PRAM1: variants seen among roughly 807,000 people sequenced by gnomAD.
The protein encoded by PRAM1 is PML-RARA regulated adaptor molecule 1, also known as PML-RARA-regulated adapter molecule 1.
A neutral mutation model predicts 55.3 loss-of-function variants in PRAM1; 41 were observed. The ratio of observed to expected loss-of-function variants is 0.74; its 90% CI spans 0.58 to 0.96. PRAM1 has a LOEUF of 0.96. Ranked by LOEUF, PRAM1 falls within the 40% of genes least tolerant of loss-of-function variation. The pLI is 0.00. For synonymous variants in PRAM1, 401 were observed against 387.1 expected, an observed-to-expected ratio of 1.04 and a Z score of -0.42; for missense variants, 898 against 892.7, an observed-to-expected ratio of 1.01 and a Z score of -0.08.
rs141370758 is a variant in PRAM1 at position 8,493,706 on chromosome 19, A to G, written c.1577-2549T>C. ...AGGGGAGTCCAGAGTCCTGGCCCCA[A>G]GAGACCTAAGCTGCCTTTGAGAAGC... On this transcript the variant is annotated intron_variant, in intron 4 of 9. Transcript: ENST00000423345. This position sits in a 1 kb window ranked among gnomAD's most constrained non-coding sequence, Gnocchi z 4.1. Among the ~76,000 whole-genome samples the G allele has an allele frequency of 4.5e-3, 684 of 152,350 alleles. 5 individuals are homozygous for G. Among genetic ancestry groups the G allele is most frequent in the African/African-American group, 0.016 (663 of 41,586 alleles).
intron 4 of PRAM1, among the ~76,000 whole-genome samples, chr19:8,495,022 C>T (rs1469307493): frequency 6.6e-6 from 1 of 151,986 alleles, no homozygotes; most frequent in Non-Finnish European, 1.5e-5. Context: ...TCACTGCAAC[C>T]TCCACCTCCC....
In PRAM1 at chr19:8,490,584, G is replaced by A. The variant is rs368843378; in HGVS notation, c.1906+10C>T. ...GGACCTCCCGGGGCTGCGGGGCCGG[G>A]CGCACTCACATTTGCCTTTGGGGTC... On this transcript the variant is annotated intron_variant, in intron 7 of 9. Coordinates refer to ENST00000423345, the MANE Select transcript of PRAM1 (RefSeq NM_032152.5). The surrounding 1 kb of genome is among the most constrained non-coding windows in gnomAD (Gnocchi z 7.3). The A allele has an allele frequency of 2.4e-5, 38 of 1,587,476 alleles. 4 individuals carry two copies. The highest frequency in any genetic ancestry group is 9.2e-5 in the East Asian group (4 of 43,360).
In PRAM1 at chr19:8,499,630, G is replaced by A. The variant is rs940495598; in HGVS notation, c.178C>T (p.Pro60Ser). ...GACACTGCACCAAACTCAGGCAGCG[G>A]GGCCTTCTTGGGGTGCTCGCTTAGC... ...PELSEHPKKA[P>S]LPEFGAVSLK... Residue 60 changes from proline (P) to serine (S), a missense_variant, in exon 2 of 10, where the codon CCG becomes TCG. Pro to Ser is a moderately conservative substitution (Grantham distance 74). This residue lies in a region of PRAM1 where 79 missense variants were observed against 93.4 expected (regional missense o/e 0.85). Coordinates refer to ENST00000423345, the MANE Select transcript of PRAM1 (RefSeq NM_032152.5). 7 of 1,613,198 alleles carry A rather than the reference G, an allele frequency of 4.3e-6. No individual in the cohort carries two copies. The highest frequency in any genetic ancestry group is 1.3e-5 in the African/African-American group (1 of 74,622).
At chr19:8,494,357 A>T (rs1971668575) in intron 4 of PRAM1, among the ~76,000 whole-genome samples, 4 of 152,178 alleles carry the variant, frequency 2.6e-5, no homozygotes, top group Non-Finnish European at 5.9e-5. Flanking sequence ...GACCCAAGCC[A>T]CAGAGCCTCC....
rs142050285 is a variant in PRAM1 at position 8,499,322 on chromosome 19, C to T, written c.486G>A (p.Ala162=). The change falls in exon 2 of 10, where the codon GCG becomes GCA. Residue 162 remains alanine, a synonymous_variant. Transcript: ENST00000423345. The stretch of plus-strand genomic sequence containing the variant: ...CGGGCTGCAGGGGTTTCCGGGCCGG[C>T]GCACCAGGCTCCGGCAGCGAGGCCT... The part of the protein sequence containing the change: ...PLKASLPEPG[A]PARKPLQPDE... 5.6e-4 allele frequency: 905 copies of T among 1,609,984 alleles called. 11 individuals are homozygous for T. In the African/African-American group the frequency reaches 0.011, roughly 19 times the overall value.
At position 8,493,551 on chromosome 19, in the gene PRAM1, G is replaced by A. The variant is rs554135476; in HGVS notation, c.1577-2394C>T. On this transcript the variant is annotated intron_variant, in intron 4 of 9. Transcript: ENST00000423345. The surrounding 1 kb of genome is among the most constrained non-coding windows in gnomAD (Gnocchi z 4.1). The stretch of plus-strand genomic sequence containing the variant: ...GCTGACCCAGAGCAGGCCTCTGCCC[G>A]CCTTCCCCGCATGGCCAGCTCAGAT... Among the ~76,000 whole-genome samples the A allele has an allele frequency of 2.6e-5, 4 of 151,524 alleles. No homozygotes were observed. The highest frequency in any genetic ancestry group is 4.1e-4 in the South Asian group (2 of 4,828).
Position 8,498,873 on chromosome 19 carries a change from G to A in PRAM1, c.935C>T (p.Ala312Val). 1.2e-6 allele frequency: 2 copies of A among 1,612,206 alleles called. No individual in the cohort carries two copies. Among genetic ancestry groups the A allele is most frequent in the Non-Finnish European group, 1.7e-6 (2 of 1,179,234 alleles). ...CTTCTTGGAGAGCGCTTTGAATTCG[G>A]CCGGCCGCGGCCTCTTGGGAAGCAC... is the stretch of plus-strand genomic sequence containing the variant. ...VSVLPKRPRP[A>V]EFKALSKKPP... Residue 312 changes from alanine to valine, a missense_variant, in exon 2 of 10, where the codon GCC becomes GTC. Physicochemically the swap from Ala to Val is moderately conservative, Grantham distance 64 (BLOSUM62 0). This residue lies in a region of PRAM1 where 787 missense variants were observed against 735.4 expected (regional missense o/e 1.07). Coordinates refer to ENST00000423345, the MANE Select transcript of PRAM1 (RefSeq NM_032152.5).
Position 8,490,666 on chromosome 19 carries a change from G to T in PRAM1, c.1834C>A (p.Arg612Ser). 6.3e-7 allele frequency: 1 copy of T among 1,593,640 alleles called. No homozygotes were observed. ...RGGGKHLGIRRGEILEVIEFT... is the reference protein window; with the variant it reads ...RGGGKHLGIRSGEILEVIEFT... ...TCGATCACCTCCAGGATCTCCCCGC[G>T]CCGGATCCCGAGGTGCTTGCCACCC... The change falls in exon 7 of 10, where the codon CGC becomes AGC. Residue 612 changes from arginine (R) to serine (S), a missense_variant. Transcript: ENST00000423345. This position sits in a 1 kb window ranked among gnomAD's most constrained non-coding sequence, Gnocchi z 7.3.
In PRAM1 at chr19:8,499,290, A is replaced by G. The variant is rs753359807; in HGVS notation, c.518T>C (p.Leu173Pro). ...GGAGGGGGGTCTGGCGGGGTGACTG[A>G]GTTCGTCGGGCTGCAGGGGTTTCCG... is the stretch of plus-strand genomic sequence containing the variant. Reference protein sequence around the residue: ...PARKPLQPDELSHPARPPSEP... With the variant: ...PARKPLQPDEPSHPARPPSEP... Residue 173 changes from leucine (L) to proline (P), a missense_variant, in exon 2 of 10, where the codon CTC (leucine) becomes CCC (proline). Leu to Pro is a moderately conservative substitution (Grantham distance 98, BLOSUM62 -3). This residue lies in a region of PRAM1 where 787 missense variants were observed against 735.4 expected (regional missense o/e 1.07). Transcript: ENST00000423345. The G allele has an allele frequency of 6.2e-7, 1 of 1,608,306 alleles. No homozygotes were observed. The highest frequency in any genetic ancestry group is 8.5e-7 in the Non-Finnish European group (1 of 1,177,370).
Position 8,497,809 on chromosome 19 carries a change from C to A in PRAM1, c.1531G>T (p.Asp511Tyr), listed in dbSNP as rs761767348. Residue 511 changes from aspartate (D) to tyrosine (Y), a missense_variant, in exon 4 of 10, where the codon GAT becomes TAT. By Grantham distance (160) the Asp-to-Tyr change is radical. Coordinates refer to ENST00000423345, the MANE Select transcript of PRAM1 (RefSeq NM_032152.5). ...CTGGAGTCATCTCTGGGTTCCACAT[C>A]GTCATACAGCTCGTAGATCTCATCT... ...VPDEIYELYD[D>Y]VEPRDDSSPS... 2 of 1,611,062 alleles carry A rather than the reference C, an allele frequency of 1.2e-6. No homozygotes were observed. The highest frequency in any genetic ancestry group is 2.2e-5 in the South Asian group (2 of 90,976).
intron 1 of PRAM1, among the ~76,000 whole-genome samples, chr19:8,500,887 G>A (rs1219614904): frequency 4.0e-5 from 6 of 151,888 alleles, no homozygotes; most frequent in South Asian, 4.2e-4. Context: ...TGCCTCAGCC[G>A]CCCAAGTAGC....
Position 8,493,141 on chromosome 19 carries a change from A to T in PRAM1, c.1577-1984T>A, listed in dbSNP as rs1971652421. 6.6e-6 allele frequency among the ~76,000 whole-genome samples: 1 copy of T among 152,198 alleles called. No homozygotes were observed. Among genetic ancestry groups the T allele is most frequent in the Admixed American group, 6.5e-5 (1 of 15,290 alleles). ...TTCCTGGCAAATGACCAGGCTCCCA[A>T]GTCAGAGCCCTGCTGGCCAAGGAAT... On this transcript the variant is annotated intron_variant, in intron 4 of 9. Coordinates refer to ENST00000423345, the MANE Select transcript of PRAM1 (RefSeq NM_032152.5). The surrounding 1 kb of genome is among the most constrained non-coding windows in gnomAD (Gnocchi z 4.1).
rs1485365532 is a variant in PRAM1, at chr19:8,490,353, C to G, written c.1960G>C (p.Asp654His). The G allele has an allele frequency of 6.2e-7, 1 of 1,614,016 alleles. No homozygotes were observed. The highest frequency in any genetic ancestry group is 8.5e-7 in the Non-Finnish European group (1 of 1,179,902). ...GTCCACGTACCGCAGAAGTCGACAT[C>G]ATCGTACACCTCCGTCTCCCTGGCA... ...LLPLETEVYD[D>H]VDFCDPLENQ... is the part of the protein sequence containing the mutation. Residue 654 changes from aspartate to histidine, a missense_variant, in exon 9 of 10, where the codon GAT (aspartate) becomes CAT (histidine). Asp to His is a moderately conservative substitution (Grantham distance 81). This residue lies in a region of PRAM1 where 787 missense variants were observed against 735.4 expected (regional missense o/e 1.07). Transcript: ENST00000423345. This position sits in a 1 kb window ranked among gnomAD's most constrained non-coding sequence, Gnocchi z 7.3.
At chr19:8,501,968 G>A (rs148889009) in intron 1 of PRAM1, among the ~76,000 whole-genome samples, 75 of 152,276 alleles carry the variant, frequency 4.9e-4, no homozygotes, top group African/African-American at 1.7e-3. Context: ...CTGTGGTCAA[G>A]GAGATTGGGG....
In PRAM1 at chr19:8,502,564, C is replaced by A. The variant is rs1971820261; in HGVS notation, c.27+1G>T. The A allele has an allele frequency of 6.5e-7, 1 of 1,543,502 alleles. No homozygotes were observed. On this transcript the variant is annotated splice_donor_variant, in intron 1 of 9. Transcript: ENST00000423345. LOFTEE classifies it high-confidence loss of function. The stretch of plus-strand genomic sequence containing the variant: ...AGGCACAGGCCTCTTCCAGCACTCA[C>A]CATGGCTGCAGGCAGGTGATGGGCC...
chr19:8,497,759 C>G lies in PRAM1; in HGVS notation c.1576+5G>C, dbSNP rs760053442. 1 of 1,601,156 alleles carries G rather than the reference C, an allele frequency of 6.2e-7. No homozygotes were observed. The highest frequency in any genetic ancestry group is 1.1e-5 in the South Asian group (1 of 89,818). On this transcript the variant is annotated splice_donor_5th_base_variant and intron_variant, in intron 4 of 9. Coordinates refer to ENST00000423345, the MANE Select transcript of PRAM1 (RefSeq NM_032152.5). Reference sequence around the variant, plus strand: ...TGCAGGGACTCGGGCAGGCCACCAACAAACCTCTGCCCTTGGGGCTGGGGC... The same window carrying G: ...TGCAGGGACTCGGGCAGGCCACCAAGAAACCTCTGCCCTTGGGGCTGGGGC...
At chr19:8,491,616 C>T (rs1971630925) in intron 4 of PRAM1, 1 of 198,012 alleles carries the variant, frequency 5.1e-6, no homozygotes. Context: ...AAACCTCTCC[C>T]TGCCCACCTT....
At chr19:8,494,924 C>T (rs533229066) in intron 4 of PRAM1, among the ~76,000 whole-genome samples, 67 of 148,508 alleles carry the variant, frequency 4.5e-4, no homozygotes, top group African/African-American at 1.3e-3. Flanking sequence ...TGAGCCACTG[C>T]GCCTGGCCTT....
chr19:8,492,215 G>A (rs1288393814), intron 4 of PRAM1, among the ~76,000 whole-genome samples: 3 of 141,542 alleles, frequency 2.1e-5, no homozygotes, highest in East Asian at 2.2e-4. Context: ...GATTATAGGC[G>A]TGAGCCACCG....
Sources: allele counts gnomAD v4.1 joint callset (sites outside exome capture counted in the v4.1 genomes callset), GRCh38; gene constraint gnomAD v4.1.1; regional missense constraint gnomAD v4.1.1; non-coding constraint Gnocchi (gnomAD v3.1); transcripts MANE v1.5; gene names NCBI Gene and HGNC (gene_info 2026-07-23, HGNC 2026-07-21).